REV3L: variants seen among roughly 807,000 people sequenced by gnomAD.
REV3L encodes DNA polymerase zeta catalytic subunit.
REV3L carries 69 observed loss-of-function variants against 299.4 expected under a neutral mutation model. The ratio of observed to expected loss-of-function variants is 0.23; its 90% CI spans 0.19 to 0.28. REV3L has a LOEUF of 0.28. Among genes scored for constraint, REV3L ranks in the 10% least tolerant of loss-of-function variants. REV3L has a pLI of 1.00. For synonymous variants in REV3L, 1,238 were observed against 1,271.4 expected (o/e 0.97, Z 0.56); for missense variants, 3,128 against 3,693.8 (o/e 0.85, Z 3.97).
chr6:111,387,697 AAAT>A, intron 9 of REV3L, 65 bp downstream of exon 9: 1 of 1,442,316 alleles, frequency 6.9e-7, no homozygotes, highest in South Asian at 1.2e-5. Context: ...AAACTCAATC[AAAT>A]ATTAACATCT....
intron 18 of REV3L, among the ~76,000 whole-genome samples, chr6:111,351,996 C>CTTTG (rs1330950145): frequency 2.0e-5 from 3 of 151,296 alleles, no homozygotes; most frequent in Non-Finnish European, 4.4e-5. Context: ...TTTGAAGCTA[C>CTTTG]TTTGTTTCTT....
chr6:111,376,583 T>C lies in REV3L; in HGVS notation c.1772A>G (p.Asn591Ser). The C allele has an allele frequency of 6.2e-7, 1 of 1,613,332 alleles. No homozygotes were observed. Among genetic ancestry groups the C allele is most frequent in the Non-Finnish European group, 8.5e-7 (1 of 1,179,824 alleles). The change falls in exon 13 of 32, where the codon AAC (asparagine) becomes AGC (serine). Residue 591 changes from asparagine (N) to serine (S), a missense_variant. Coordinates refer to ENST00000368802, the MANE Select transcript of REV3L (RefSeq NM_001372078.1). ...HTSALSSHVL[N>S]KEDLIEDLSQ... ...AAGGTCTTCAATTAAATCTTCCTTG[T>C]TCAAAACATGGGAAGAAAGGGCACT...
At position 111,419,907 on chromosome 6, in the gene REV3L, C is replaced by A. The variant is rs374627462; in HGVS notation, c.140-3435G>T. Among the ~76,000 whole-genome samples the A allele has an allele frequency of 4.6e-5, 7 of 151,694 alleles. No individual in the cohort carries two copies. In the East Asian group the frequency reaches 1.2e-3, roughly 25 times the overall value. The stretch of plus-strand genomic sequence containing the variant: ...TCACCCAGGCTGGAGTGCAGTGTTG[C>A]GATCTCGGCTTGCTGCAAGCTCCAC... On this transcript the variant is annotated intron_variant, in intron 1 of 31. Coordinates refer to ENST00000368802, the MANE Select transcript of REV3L (RefSeq NM_001372078.1).
intron 1 of REV3L, among the ~76,000 whole-genome samples, chr6:111,456,112 T>A (rs893680013): frequency 1.3e-5 from 2 of 152,232 alleles, no homozygotes; most frequent in Non-Finnish European, 2.9e-5. Flanking sequence ...TACTCTATGA[T>A]GTTCACACAA....
intron 21 of REV3L, among the ~76,000 whole-genome samples, chr6:111,338,674 A>G (rs949673229): frequency 1.6e-4 from 24 of 152,102 alleles, no homozygotes; most frequent in African/African-American, 5.1e-4. Flanking sequence ...TATATACAAA[A>G]CTGATTAAAC....
chr6:111,349,379 A>G (rs1777356327), intron 19 of REV3L, 43 bp from the exon 20 acceptor site: 2 of 905,362 alleles, frequency 2.2e-6, no homozygotes, highest in South Asian at 3.4e-5. Context: ...CACAGAAAAC[A>G]AACTTTCAAT....
At chr6:111,451,441 G>A (rs1007721887) in intron 1 of REV3L, among the ~76,000 whole-genome samples, 1 of 152,208 alleles carries the variant, frequency 6.6e-6, no homozygotes, top group South Asian at 2.1e-4. Context: ...ATGACTGAAA[G>A]AGAACTTTTA....
At chr6:111,356,546 G>A (rs2114972777) in intron 18 of REV3L, 1 of 152,134 alleles carries the variant, frequency 6.6e-6, no homozygotes, top group East Asian at 1.9e-4. Context: ...TACAGAGAAT[G>A]CATCCCAAAG....
At chr6:111,320,286 G>C (rs1025471723) in intron 26 of REV3L, among the ~76,000 whole-genome samples, 3 of 151,586 alleles carry the variant, frequency 2.0e-5, no homozygotes, top group South Asian at 2.1e-4. Context: ...GGCTGGTCTC[G>C]AACTCCTGAC....
intron 1 of REV3L, among the ~76,000 whole-genome samples, chr6:111,436,930 T>C (rs1192705591): frequency 2.0e-5 from 3 of 152,150 alleles, no homozygotes; most frequent in Non-Finnish European, 2.9e-5. Context: ...TAAAAAATAC[T>C]AAATATTATA....
At chr6:111,433,386 A>T (rs1428917193) in intron 1 of REV3L, among the ~76,000 whole-genome samples, 1 of 152,170 alleles carries the variant, frequency 6.6e-6, no homozygotes, top group Admixed American at 6.5e-5. Flanking sequence ...ACAGAAATAC[A>T]AAGAGACTAT....
rs1363556326 is a variant in REV3L at position 111,416,474 on chromosome 6, TA to T, written c.140-3del. Reference sequence around the variant, plus strand: ...GTAGATGAAGACATGTCTTCTGACCTAAAATGTAACACATTATAAAGTTTAG... The same window carrying T: ...GTAGATGAAGACATGTCTTCTGACCTAAATGTAACACATTATAAAGTTTAG... On this transcript the variant is annotated splice_region_variant and splice_polypyrimidine_tract_variant and intron_variant, in intron 1 of 31. Transcript: ENST00000368802. 6.2e-7 allele frequency: 1 copy of T among 1,607,990 alleles called. No individual in the cohort carries two copies. Among genetic ancestry groups the T allele is most frequent in the African/African-American group, 1.3e-5 (1 of 74,798 alleles).
intron 4 of REV3L, 44 bp from the exon 5 acceptor site, chr6:111,393,016 T>C: frequency 7.3e-7 from 1 of 1,361,478 alleles, no homozygotes; most frequent in Non-Finnish European, 1.0e-6. Context: ...CTTTCAATTT[T>C]CATATAATTA....
chr6:111,389,663 TATA>T (rs1781697956), intron 6 of REV3L, among the ~76,000 whole-genome samples: 1 of 151,748 alleles, frequency 6.6e-6, no homozygotes, highest in South Asian at 2.1e-4. Context: ...ATCCTCCTTC[TATA>T]ATATCTTAGT....
intron 1 of REV3L, among the ~76,000 whole-genome samples, chr6:111,459,660 T>C (rs754216803): frequency 2.5e-4 from 38 of 151,326 alleles, no homozygotes; most frequent in Admixed American, 9.2e-4. Flanking sequence ...CAAAAAAAAA[T>C]TGAAAAAATG....
At chr6:111,376,897 G>C (rs189602782) in intron 12 of REV3L, 140 bp from the exon 13 acceptor site, 2 of 592,256 alleles carry the variant, frequency 3.4e-6, no homozygotes, top group Admixed American at 3.6e-5. Context: ...AAAAGGTAAT[G>C]CTTATCATTA....
At chr6:111,425,351 C>T (rs576594974) in intron 1 of REV3L, among the ~76,000 whole-genome samples, 3 of 152,148 alleles carry the variant, frequency 2.0e-5, no homozygotes, top group East Asian at 1.9e-4. Context: ...CCCAGCTCCT[C>T]GGGAGGCTGA....
chr6:111,459,887 T>C (rs992867096), intron 1 of REV3L, among the ~76,000 whole-genome samples: 4 of 152,138 alleles, frequency 2.6e-5, no homozygotes, highest in African/African-American at 9.7e-5. Context: ...AAAATGGAAC[T>C]ACCATTTAAC....
At chr6:111,483,312 C>A (rs1478891028), upstream of REV3L, 8 of 478,490 alleles carry the variant, frequency 1.7e-5, no homozygotes, top group Non-Finnish European at 2.6e-5. Context: ...GGAAAAGGAG[C>A]GAGAGGGCGG....
Sources: gnomAD v4.1 joint callset for allele counts (sites outside exome capture counted in the v4.1 genomes callset) on GRCh38, gnomAD v4.1.1 for gene constraint, MANE v1.5 for transcripts, NCBI Gene and HGNC (gene_info 2026-07-23, HGNC 2026-07-21) for gene names.